The following DPY19L1 variants were observed in gnomAD, a reference collection of about 807,000 sequenced individuals.
The protein encoded by DPY19L1 is dpy-19 like C-mannosyltransferase 1.
A neutral mutation model predicts 96.9 loss-of-function variants in DPY19L1; 35 were observed. The ratio of observed to expected loss-of-function variants is 0.36; its 90% CI spans 0.28 to 0.48. The LOEUF is 0.48. Ranked by LOEUF, DPY19L1 falls within the 20% of genes least tolerant of loss-of-function variation. The pLI is 0.99. For missense variants in DPY19L1, 521 were observed against 777.9 expected (o/e 0.67, Z 3.93); for synonymous variants, 205 against 252.6 (o/e 0.81, Z 1.79).
At chr7:35,020,858 G>T (rs981188158) in intron 1 of DPY19L1, among the ~76,000 whole-genome samples, 5 of 152,034 alleles carry the variant, frequency 3.3e-5, no homozygotes, top group Non-Finnish European at 7.4e-5. Flanking sequence ...ACAGGTAAAT[G>T]CCACCATGCC....
intron 6 of DPY19L1, among the ~76,000 whole-genome samples, chr7:34,993,667 A>G (rs567759895): frequency 6.6e-4 from 99 of 150,592 alleles, no homozygotes; most frequent in Non-Finnish European, 1.3e-3. Context: ...AAATTTATAT[A>G]TAATTTGGGT....
chr7:35,014,152 C>T (rs1218111282), intron 3 of DPY19L1, among the ~76,000 whole-genome samples: 1 of 152,054 alleles, frequency 6.6e-6, no homozygotes, highest in Admixed American at 6.5e-5. Flanking sequence ...ATTTTTCCTC[C>T]GGATTTACAT....
Position 35,013,645 on chromosome 7 carries a change from A to C in DPY19L1, c.472T>G (p.Trp158Gly). 1 of 1,607,088 alleles carries C rather than the reference A, an allele frequency of 6.2e-7. No homozygotes were observed. The highest frequency in any genetic ancestry group is 8.5e-7 in the Non-Finnish European group (1 of 1,174,906). Residue 158 changes from tryptophan to glycine, a missense_variant, in exon 4 of 22, where the codon TGG (tryptophan) becomes GGG (glycine). Physicochemically the swap from Trp to Gly is radical, Grantham distance 184. Transcript: ENST00000638088. ...VEAPSFLNGV[W>G]MIMNDKLTEY... Reference sequence around the variant, plus strand: ...GTCAGTTTATCATTCATAATCATCCATACTCCATTCAAAAATGAGGGTGCT... The same window carrying C: ...GTCAGTTTATCATTCATAATCATCCCTACTCCATTCAAAAATGAGGGTGCT...
At chr7:34,949,937 A>G in intron 13 of DPY19L1, 39 bp from the exon 14 acceptor site, 3 of 1,055,008 alleles carry the variant, frequency 2.8e-6, no homozygotes. Context: ...TAAGCCATAC[A>G]CTGCAATAAT....
chr7:34,932,840 T>C (rs1783784607), intron 21 of DPY19L1, among the ~76,000 whole-genome samples: 1 of 152,092 alleles, frequency 6.6e-6, no homozygotes, highest in African/African-American at 2.4e-5. Flanking sequence ...CAACTGCTCA[T>C]GTTTGTCATA....
chr7:34,966,363 T>C (rs547544370), intron 10 of DPY19L1, among the ~76,000 whole-genome samples: 2 of 152,190 alleles, frequency 1.3e-5, no homozygotes, highest in Admixed American at 6.5e-5. Context: ...AGTGGTGTGA[T>C]CTTAGCTCAC....
intron 7 of DPY19L1, among the ~76,000 whole-genome samples, chr7:34,976,226 CATT>C (rs762971739): frequency 1.3e-5 from 2 of 152,120 alleles, no homozygotes; most frequent in South Asian, 2.1e-4. Flanking sequence ...AAAATATCAT[CATT>C]AATAGGACTT....
Position 35,037,457 on chromosome 7 carries a change from G to C in DPY19L1, c.-63C>G, listed in dbSNP as rs1241275880. 1.3e-5 allele frequency: 4 copies of C among 309,900 alleles called. No homozygotes were observed. Among genetic ancestry groups the C allele is most frequent in the African/African-American group, 8.9e-5 (4 of 44,998 alleles). The allele number at this position is 309,900 out of a possible 1,614,324, so 19.2% of individuals were successfully genotyped here. A position where few individuals can be genotyped will look rare whatever the true frequency, so the allele number is the denominator to read the frequency against. Reference sequence around the variant, plus strand: ...ACGGCGGCCAGAGAACGGCGGGCTGGCTGGGCGGCTGGGCGCAGCTCACTC... The same window carrying C: ...ACGGCGGCCAGAGAACGGCGGGCTGCCTGGGCGGCTGGGCGCAGCTCACTC... On this transcript the variant is annotated 5_prime_UTR_variant, in exon 1 of 22. Coordinates refer to ENST00000638088, the MANE Select transcript of DPY19L1 (RefSeq NM_001366673.1).
At chr7:34,969,336 T>A in intron 9 of DPY19L1, 97 bp downstream of exon 9, 1 of 607,900 alleles carries the variant, frequency 1.6e-6, no homozygotes, top group South Asian at 6.3e-5. Flanking sequence ...GTTTTAGGAC[T>A]TAGAACCATA....
chr7:34,986,015 G>A (rs1785039370), intron 7 of DPY19L1, among the ~76,000 whole-genome samples: 1 of 151,954 alleles, frequency 6.6e-6, no homozygotes, highest in South Asian at 2.1e-4. Flanking sequence ...CACTATGAAT[G>A]GAACTGACAG....
chr7:34,957,806 C>T (rs185557183), intron 11 of DPY19L1, among the ~76,000 whole-genome samples, 178 bp downstream of exon 11: 8 of 144,260 alleles, frequency 5.5e-5, no homozygotes, highest in South Asian at 2.2e-4. Context: ...CTAATTTTTC[C>T]TTGTTTTTTT....
intron 12 of DPY19L1, 73 bp downstream of exon 12, chr7:34,955,235 A>G: frequency 6.5e-7 from 1 of 1,533,510 alleles, no homozygotes; most frequent in Non-Finnish European, 8.9e-7. Context: ...CATTTTCTTA[A>G]AAGTAAAACA....
chr7:34,998,025 C>T (rs1265921797), intron 6 of DPY19L1, among the ~76,000 whole-genome samples: 1 of 152,134 alleles, frequency 6.6e-6, no homozygotes, highest in East Asian at 1.9e-4. Context: ...GACTAATCAT[C>T]CAGGCCCTCA....
chr7:35,026,324 C>G (rs754383737), intron 1 of DPY19L1, among the ~76,000 whole-genome samples: 3 of 152,162 alleles, frequency 2.0e-5, no homozygotes, highest in Non-Finnish European at 4.4e-5. Flanking sequence ...AACAAGATGC[C>G]TGAGGTGATT....
At position 35,010,442 on chromosome 7, in the gene DPY19L1, A is replaced by C. The variant is rs1584253832; in HGVS notation, c.764+26T>G. 2.3e-6 allele frequency: 3 copies of C among 1,324,642 alleles called. No individual in the cohort carries two copies. In the East Asian group the frequency reaches 7.1e-5, roughly 31 times the overall value. The allele number at this position is 1,324,642 out of a possible 1,614,324, so 82.1% of individuals were successfully genotyped here. A position where few individuals can be genotyped will look rare whatever the true frequency, so the allele number is the denominator to read the frequency against. On this transcript the variant is annotated intron_variant, in intron 6 of 21. Coordinates refer to ENST00000638088, the MANE Select transcript of DPY19L1 (RefSeq NM_001366673.1). ...CAACTATTTTATTTTAGTATATCTT[A>C]TAAACACATACTAAAATATTCTTAC...
chr7:34,948,841 A>T (rs544750723), intron 14 of DPY19L1, among the ~76,000 whole-genome samples: 7 of 152,360 alleles, frequency 4.6e-5, no homozygotes, highest in African/African-American at 1.2e-4. Context: ...GGAACACAAT[A>T]AATGAAGACT....
chr7:34,964,129 A>T (rs1401877578), intron 10 of DPY19L1, among the ~76,000 whole-genome samples: 1 of 152,092 alleles, frequency 6.6e-6, no homozygotes, highest in Non-Finnish European at 1.5e-5. Context: ...TGGAAAAATA[A>T]TTTTTTGGAA....
chr7:35,023,024 G>A (rs1406432400), intron 1 of DPY19L1, among the ~76,000 whole-genome samples: 4 of 152,262 alleles, frequency 2.6e-5, no homozygotes, highest in South Asian at 2.1e-4. Flanking sequence ...GGAAGCCATC[G>A]TTCTTCCCAG....
intron 4 of DPY19L1, among the ~76,000 whole-genome samples, chr7:35,012,950 G>GAT (rs34039494): frequency 0.26 from 39,354 of 151,292 alleles, 5,277 homozygotes; most frequent in Non-Finnish European, 0.31. Context: ...AGAGAACACT[G>GAT]ATATATATAT....
Sources: gnomAD v4.1 joint callset for allele counts (sites outside exome capture counted in the v4.1 genomes callset) on GRCh38, gnomAD v4.1.1 for gene constraint, MANE v1.5 for transcripts, NCBI Gene and HGNC (gene_info 2026-07-23, HGNC 2026-07-21) for gene names.